LRRC4C: variants seen among roughly 807,000 people sequenced by gnomAD.
LRRC4C encodes leucine rich repeat containing 4C.
A neutral mutation model predicts 33.6 loss-of-function variants in LRRC4C; 5 were observed. That is an observed-to-expected ratio of 0.15 (90% CI 0.08 to 0.31). The LOEUF (loss-of-function observed/expected upper bound fraction) is 0.31. Among genes scored for constraint, LRRC4C ranks in the 10% least tolerant of loss-of-function variants. The pLI, the probability that LRRC4C is intolerant of heterozygous loss-of-function variation, is 1.00. For missense variants in LRRC4C, 560 were observed against 796.7 expected (o/e 0.70, Z 3.58); for synonymous variants, 329 against 302.0 (o/e 1.09, Z -0.93).
chr11:41,269,942 T>C (rs1012255776), intron 1 of LRRC4C, among the ~76,000 whole-genome samples: 2 of 152,102 alleles, frequency 1.3e-5, no homozygotes, highest in Non-Finnish European at 2.9e-5. Context: ...AAATCCTAGT[T>C]TTACCAGTTA....
intron 1 of LRRC4C, among the ~76,000 whole-genome samples, chr11:41,449,768 G>GAAAA (rs35510106): frequency 1.0e-4 from 11 of 108,538 alleles, no homozygotes; most frequent in Non-Finnish European, 1.2e-4. Context: ...CCTCTTGATG[G>GAAAA]AAAAAAAAAA....
At chr11:40,998,924 G>A (rs1360493757) in intron 1 of LRRC4C, among the ~76,000 whole-genome samples, 7 of 151,938 alleles carry the variant, frequency 4.6e-5, no homozygotes, top group African/African-American at 1.5e-4. Flanking sequence ...CTCCTTTCCC[G>A]CATCATCTAT....
intron 3 of LRRC4C, among the ~76,000 whole-genome samples, chr11:40,576,125 G>GA (rs972885987): frequency 1.4e-4 from 21 of 152,056 alleles, no homozygotes; most frequent in Admixed American, 8.5e-4. Context: ...TTAATTTTAT[G>GA]AAAAAATAAA....
At chr11:41,270,539 C>T (rs979221043) in intron 1 of LRRC4C, among the ~76,000 whole-genome samples, 1 of 152,030 alleles carries the variant, frequency 6.6e-6, no homozygotes, top group African/African-American at 2.4e-5. Context: ...GGGTCTGCCT[C>T]TTAGGTGCCT....
chr11:40,757,181 T>A (rs1419102652), intron 2 of LRRC4C, among the ~76,000 whole-genome samples: 3 of 152,076 alleles, frequency 2.0e-5, no homozygotes, highest in Non-Finnish European at 2.9e-5. Flanking sequence ...CTTTTGGATA[T>A]TTTACAGTGA....
intron 1 of LRRC4C, among the ~76,000 whole-genome samples, chr11:41,210,215 T>C (rs1014366188): frequency 2.0e-5 from 3 of 152,194 alleles, no homozygotes. Context: ...ATAACTGATA[T>C]GGTTTGAGTG....
intron 1 of LRRC4C, among the ~76,000 whole-genome samples, chr11:41,371,481 A>G (rs1358659667): frequency 1.3e-5 from 2 of 152,160 alleles, no homozygotes; most frequent in African/African-American, 4.8e-5. Context: ...GTGGTTTAAT[A>G]TGTGGAAATC....
intron 2 of LRRC4C, among the ~76,000 whole-genome samples, chr11:40,665,391 TA>T (rs1367783289): frequency 7.8e-6 from 1 of 128,480 alleles, no homozygotes; most frequent in African/African-American, 3.2e-5. Context: ...TATATATTAT[TA>T]GGGGTAGGAG....
intron 3 of LRRC4C, among the ~76,000 whole-genome samples, chr11:40,378,579 A>G (rs1948745881): frequency 6.6e-6 from 1 of 152,062 alleles, no homozygotes; most frequent in Non-Finnish European, 1.5e-5. Context: ...TATTTCTAGA[A>G]TTATTGACCA....
At chr11:40,846,417 G>A (rs1309172820) in intron 2 of LRRC4C, among the ~76,000 whole-genome samples, 2 of 151,934 alleles carry the variant, frequency 1.3e-5, no homozygotes, top group Non-Finnish European at 2.9e-5. Context: ...TTTTTCCAAC[G>A]CCATTTATTA....
chr11:40,446,131 C>T (rs932765423), intron 3 of LRRC4C: 2 of 152,182 alleles, frequency 1.3e-5, no homozygotes, highest in African/African-American at 4.8e-5. Flanking sequence ...TTTATACCCA[C>T]ATGAGGTCTC....
At chr11:40,198,646 T>C (rs1430266099) in intron 5 of LRRC4C, among the ~76,000 whole-genome samples, 2 of 152,250 alleles carry the variant, frequency 1.3e-5, no homozygotes, top group Non-Finnish European at 2.9e-5. Flanking sequence ...TTATTTAGCA[T>C]AGGCACCCAT....
At chr11:40,218,732 T>C (rs1590740330) in intron 5 of LRRC4C, among the ~76,000 whole-genome samples, 1 of 150,362 alleles carries the variant, frequency 6.7e-6, no homozygotes, top group African/African-American at 2.5e-5. Flanking sequence ...TCTATCTATC[T>C]ATCTATCTAT....
At chr11:41,051,476 T>C (rs1858199491) in intron 1 of LRRC4C, among the ~76,000 whole-genome samples, 1 of 116,576 alleles carries the variant, frequency 8.6e-6, no homozygotes, top group South Asian at 2.6e-4. Context: ...ATTTATCTTA[T>C]TAAAAGACAC....
chr11:41,192,282 G>A (rs1002444139), intron 1 of LRRC4C, among the ~76,000 whole-genome samples: 34 of 151,524 alleles, frequency 2.2e-4, no homozygotes, highest in African/African-American at 8.2e-4. Context: ...CACTTCTTTT[G>A]TCAGAACTGG....
At chr11:40,278,797 TG>T (rs11309047) in intron 4 of LRRC4C, among the ~76,000 whole-genome samples, 152,282 of 152,282 alleles carry the variant, frequency 1, 76,141 homozygotes, top group Non-Finnish European at 1. Context: ...TAGATATTAG[TG>T]GGTTTTGTCT....
At chr11:41,420,598 G>A (rs1276078527) in intron 1 of LRRC4C, among the ~76,000 whole-genome samples, 3 of 151,894 alleles carry the variant, frequency 2.0e-5, no homozygotes, top group East Asian at 1.9e-4. Flanking sequence ...TTTGTCCTAC[G>A]AAAAATTCAC....
At chr11:41,270,253 C>T (rs544362287) in intron 1 of LRRC4C, among the ~76,000 whole-genome samples, 7 of 152,212 alleles carry the variant, frequency 4.6e-5, no homozygotes, top group Middle Eastern at 3.4e-3. Flanking sequence ...TCACTCTGCA[C>T]GTATCCCATT....
intron 1 of LRRC4C, among the ~76,000 whole-genome samples, chr11:41,086,157 G>A (rs1939972500): frequency 6.6e-6 from 1 of 151,952 alleles, no homozygotes; most frequent in Non-Finnish European, 1.5e-5. Context: ...TCAAAATAAA[G>A]CATGTGCTTC....
Sources: allele counts gnomAD v4.1 joint callset (sites outside exome capture counted in the v4.1 genomes callset), GRCh38; gene constraint gnomAD v4.1.1; transcripts MANE v1.5; gene names NCBI Gene and HGNC (gene_info 2026-07-23, HGNC 2026-07-21).